The following DST variants were observed in gnomAD, a reference collection of about 807,000 sequenced individuals.
The protein encoded by DST is bullous pemphigoid antigen.
DST carries 253 observed loss-of-function variants against 875.2 expected under a neutral mutation model. That is an observed-to-expected ratio of 0.29 (90% CI 0.26 to 0.32). The LOEUF is 0.32. DST is among the 10% of genes least tolerant of loss of function. The pLI, the probability that DST is intolerant of heterozygous loss-of-function variation, is 1.00. For synonymous variants in DST, 3,124 were observed against 3,197.1 expected (o/e 0.98, Z 0.77); for missense variants, 8,287 against 9,111.6 (o/e 0.91, Z 3.68).
intron 4 of DST, among the ~76,000 whole-genome samples, chr6:56,808,241 C>G (rs895948479): frequency 6.6e-6 from 1 of 151,446 alleles, no homozygotes. Flanking sequence ...TTTTGAAAAA[C>G]AGTACTTTGT....
At chr6:56,513,800 G>A (rs1053941138) in intron 72 of DST, among the ~76,000 whole-genome samples, 7 of 152,206 alleles carry the variant, frequency 4.6e-5, no homozygotes, top group Admixed American at 3.9e-4. Flanking sequence ...GTGACAAAAT[G>A]ATTCTTGGCA....
chr6:56,941,099 C>T (rs1816299874), intron 2 of DST, among the ~76,000 whole-genome samples: 1 of 152,088 alleles, frequency 6.6e-6, no homozygotes, highest in African/African-American at 2.4e-5. Flanking sequence ...GCTTTTCCCC[C>T]CAACACCCTC....
rs544779758 is a variant in DST at position 56,720,535 on chromosome 6, G to A, written c.687+14693C>T. 1.4e-4 allele frequency among the ~76,000 whole-genome samples: 22 copies of A among 152,126 alleles called. No homozygotes were observed. In the East Asian group the frequency reaches 2.9e-3, roughly 20 times the overall value. ...AGTGTTTGTGTCCCTGGGTACTTGA[G>A]ATTAGGGAGTGGTGATGACTCTTAA... On this transcript the variant is annotated intron_variant, in intron 5 of 103. Transcript: ENST00000680361.
At chr6:56,819,635 T>C (rs1357890819) in intron 4 of DST, among the ~76,000 whole-genome samples, 1 of 152,136 alleles carries the variant, frequency 6.6e-6, no homozygotes, top group African/African-American at 2.4e-5. Context: ...CATTAGAAAA[T>C]AGCTTAGTAT....
intron 79 of DST, 70 bp from the exon 80 acceptor site, chr6:56,501,305 G>A: frequency 6.9e-7 from 1 of 1,448,530 alleles, no homozygotes; most frequent in Admixed American, 2.7e-5. Flanking sequence ...ATAAAACAAG[G>A]ACAAAAATAA....
intron 2 of DST, among the ~76,000 whole-genome samples, chr6:56,913,620 C>A (rs1181857303): frequency 2.6e-5 from 4 of 152,302 alleles, no homozygotes; most frequent in Admixed American, 2.6e-4. Flanking sequence ...AAAAATGTGG[C>A]CAACCCCTGC....
intron 36 of DST, chr6:56,618,344 G>A (rs1254445642): frequency 3.7e-6 from 6 of 1,614,024 alleles, no homozygotes; most frequent in Non-Finnish European, 5.1e-6. Flanking sequence ...AGTGTTTCTA[G>A]AGGACAGCTC....
At chr6:56,595,157 G>A (rs891755020) in intron 47 of DST, among the ~76,000 whole-genome samples, 4 of 152,166 alleles carry the variant, frequency 2.6e-5, no homozygotes, top group South Asian at 2.1e-4. Context: ...CAAATGACCC[G>A]CTCCCATTAC....
chr6:56,905,170 C>A (rs1418453673), intron 2 of DST, among the ~76,000 whole-genome samples: 4 of 152,110 alleles, frequency 2.6e-5, no homozygotes, highest in Admixed American at 1.3e-4. Context: ...TAGGACACCC[C>A]AAATTATCAG....
intron 3 of DST, among the ~76,000 whole-genome samples, chr6:56,876,361 G>A (rs1253454776): frequency 6.6e-6 from 1 of 152,076 alleles, no homozygotes; most frequent in Non-Finnish European, 1.5e-5. Context: ...CCCCATTCTG[G>A]ATGATCACAT....
intron 69 of DST, among the ~76,000 whole-genome samples, chr6:56,520,518 T>A (rs1433460718): frequency 2.0e-5 from 3 of 152,138 alleles, no homozygotes; most frequent in East Asian, 1.9e-4. Flanking sequence ...GATATTTTAC[T>A]ATAAAGATGT....
intron 49 of DST, among the ~76,000 whole-genome samples, chr6:56,580,651 C>G (rs530129240): frequency 1.3e-3 from 198 of 149,880 alleles, no homozygotes; most frequent in Non-Finnish European, 2.5e-3. Context: ...AGGGCAGGAA[C>G]AAAGGACAAG....
intron 69 of DST, among the ~76,000 whole-genome samples, chr6:56,522,859 G>A (rs4715627): frequency 0.66 from 100,393 of 151,878 alleles, 33,690 homozygotes; most frequent in Non-Finnish European, 0.7. Context: ...GAATTGCTCT[G>A]AGGCTTAAAG....
At chr6:56,756,325 G>T (rs923156636) in intron 4 of DST, among the ~76,000 whole-genome samples, 2 of 152,084 alleles carry the variant, frequency 1.3e-5, no homozygotes, top group African/African-American at 4.8e-5. Context: ...AGATCACATG[G>T]GCCAGGAACA....
In DST at chr6:56,604,271, G is replaced by T; in HGVS notation, c.10357C>A (p.Gln3453Lys). The change falls in exon 40 of 104, where the codon CAA becomes AAA. Residue 3453 changes from glutamine to lysine, a missense_variant. Gln to Lys is a moderately conservative substitution (Grantham distance 53). This residue lies in a region of DST where 3,138 missense variants were observed against 3,116.6 expected (regional missense o/e 1.01). Coordinates refer to ENST00000680361, the MANE Select transcript of DST (RefSeq NM_001374736.1). ...ELLLNILKQD[Q>K]HSQKITGVFE... Reference sequence around the variant, plus strand: ...ACTCCTGTAATTTTTTGGCTATGTTGATCTTGCTTCAATATATTAAGGAGA... The same window carrying T: ...ACTCCTGTAATTTTTTGGCTATGTTTATCTTGCTTCAATATATTAAGGAGA... 1 of 1,611,732 alleles carries T rather than the reference G, an allele frequency of 6.2e-7. No homozygotes were observed. Among genetic ancestry groups the T allele is most frequent in the South Asian group, 1.1e-5 (1 of 90,896 alleles).
chr6:56,887,070 G>A (rs768634904), intron 3 of DST, among the ~76,000 whole-genome samples: 27 of 152,318 alleles, frequency 1.8e-4, no homozygotes, highest in Non-Finnish European at 3.8e-4. Flanking sequence ...ATAGAACCAT[G>A]AGCCTAGAAA....
intron 4 of DST, among the ~76,000 whole-genome samples, chr6:56,767,264 A>G (rs568585018): frequency 2.0e-5 from 3 of 152,310 alleles, no homozygotes; most frequent in African/African-American, 7.2e-5. Context: ...CAAAACAAAG[A>G]GCCCTGACAA....
chr6:56,547,802 C>G (rs1034566041), intron 61 of DST, among the ~76,000 whole-genome samples: 1 of 152,126 alleles, frequency 6.6e-6, no homozygotes, highest in Non-Finnish European at 1.5e-5. Flanking sequence ...AATAATGATG[C>G]CTGGGTTAAA....
intron 54 of DST, 121 bp downstream of exon 54, chr6:56,569,735 A>G (rs1383967981): frequency 9.1e-6 from 7 of 769,630 alleles, no homozygotes; most frequent in Middle Eastern, 7.1e-4. Flanking sequence ...TCAACAAAAT[A>G]TACAGTACAT....
Sources: gnomAD v4.1 joint callset for allele counts (sites outside exome capture counted in the v4.1 genomes callset) on GRCh38, gnomAD v4.1.1 for gene constraint, gnomAD v4.1.1 regional missense constraint, MANE v1.5 for transcripts, NCBI Gene and HGNC (gene_info 2026-07-23, HGNC 2026-07-21) for gene names.